The following FAT3 variants were observed in gnomAD, a reference collection of about 807,000 sequenced individuals.
FAT3 encodes protocadherin Fat 3.
FAT3 carries 95 observed loss-of-function variants against 310.2 expected under a neutral mutation model. The observed-to-expected ratio is 0.31, with a 90% CI of 0.26 to 0.36. FAT3 has a LOEUF of 0.36. FAT3 is among the 10% of genes least tolerant of loss of function. The pLI is 1.00. For missense variants in FAT3, 5,408 were observed against 5,715.6 expected (o/e 0.95, Z 1.74); for synonymous variants, 2,314 against 2,192.9 (o/e 1.06, Z -1.54).
intron 7 of FAT3, among the ~76,000 whole-genome samples, chr11:92,786,991 T>C (rs747291458): frequency 3.9e-5 from 6 of 152,174 alleles, no homozygotes; most frequent in Non-Finnish European, 8.8e-5. Flanking sequence ...GGTCAGATGA[T>C]TCTTTCTTGC....
At chr11:92,510,995 C>T (rs576453611) in intron 2 of FAT3, among the ~76,000 whole-genome samples, 1 of 152,344 alleles carries the variant, frequency 6.6e-6, no homozygotes, top group East Asian at 1.9e-4. Flanking sequence ...ATCTAGAGCG[C>T]CTTGCTGGCG....
In FAT3 at chr11:92,896,280, A is replaced by T. The variant is rs1950030667; in HGVS notation, c.*5167A>T. The T allele has an allele frequency of 6.6e-6, 1 of 151,326 alleles. No individual in the cohort carries two copies. The highest frequency in any genetic ancestry group is 1.5e-5 in the Non-Finnish European group (1 of 67,880). The allele number at this position is 151,326 out of a possible 1,614,324, so 9.4% of individuals were successfully genotyped here. A position where few individuals can be genotyped will look rare whatever the true frequency, so the allele number is the denominator to read the frequency against. The stretch of plus-strand genomic sequence containing the variant: ...TGTTCCTGCATATATTGCTGGTGGC[A>T]GTATTCAGTCTTGTGTTCTTTTTCT... On this transcript the variant is annotated 3_prime_UTR_variant, in exon 28 of 28. Coordinates refer to ENST00000525166, the MANE Select transcript of FAT3 (RefSeq NM_001367949.2).
In FAT3 at chr11:92,683,412, G is replaced by A. The variant is rs547062729; in HGVS notation, c.3608-13972G>A. Among the ~76,000 whole-genome samples, 199 of 152,230 alleles carry A rather than the reference G, an allele frequency of 1.3e-3. 3 individuals are homozygous for A. Among genetic ancestry groups the A allele is most frequent in the African/African-American group, 4.3e-3 (179 of 41,538 alleles). On this transcript the variant is annotated intron_variant, in intron 3 of 27. Transcript: ENST00000525166. ...GTTGGGACCAGGGTTCTTCTTCCCT[G>A]TATGATTTTCCTTTCCCATCAGAGT...
chr11:92,837,899 A>G, intron 17 of FAT3, 93 bp downstream of exon 17: 5 of 1,467,442 alleles, frequency 3.4e-6, no homozygotes, highest in Non-Finnish European at 4.7e-6. Flanking sequence ...TGCTACTATT[A>G]CTTAATGTCA....
chr11:92,543,436 G>A (rs1336312488), intron 3 of FAT3, among the ~76,000 whole-genome samples: 2 of 152,114 alleles, frequency 1.3e-5, no homozygotes, highest in South Asian at 2.1e-4. Flanking sequence ...ACATCATACT[G>A]TTCCCACTAA....
At position 92,793,734 on chromosome 11, in the gene FAT3, G is replaced by T. The variant is rs561042899; in HGVS notation, c.4822+757G>T. On this transcript the variant is annotated intron_variant, in intron 9 of 27. Coordinates refer to ENST00000525166, the MANE Select transcript of FAT3 (RefSeq NM_001367949.2). ...CATTCCATCTTTTTTGAATATTCAA[G>T]CCACCTATTTTCAAAATGTTCTGCA... is the stretch of plus-strand genomic sequence containing the variant. Among the ~76,000 whole-genome samples, 17 of 152,098 alleles carry T rather than the reference G, an allele frequency of 1.1e-4. No homozygotes were observed. In the South Asian group the frequency reaches 3.5e-3, roughly 32 times the overall value.
At chr11:92,645,540 A>G (rs893411879) in intron 3 of FAT3, among the ~76,000 whole-genome samples, 1 of 150,326 alleles carries the variant, frequency 6.7e-6, no homozygotes, top group South Asian at 2.1e-4. Context: ...CATTTGTACT[A>G]GAAATGTGTT....
chr11:92,565,079 A>G (rs923413613), intron 3 of FAT3, among the ~76,000 whole-genome samples: 4 of 142,678 alleles, frequency 2.8e-5, no homozygotes, highest in African/African-American at 1.0e-4. Flanking sequence ...AACCCTTCAA[A>G]AAATTAATGA....
intron 1 of FAT3, among the ~76,000 whole-genome samples, chr11:92,287,178 A>G (rs1462635191): frequency 1.3e-5 from 2 of 152,204 alleles, no homozygotes; most frequent in African/African-American, 2.4e-5. Flanking sequence ...CTGAAGAATA[A>G]AAACAATCAC....
chr11:92,227,200 G>C (rs1367397909), intron 1 of FAT3, among the ~76,000 whole-genome samples: 1 of 152,162 alleles, frequency 6.6e-6, no homozygotes. Flanking sequence ...GTTTTCTGCC[G>C]CTTTTCTCCC....
chr11:92,859,022 A>T (rs2136326713), intron 20 of FAT3, 143 bp from the exon 21 acceptor site: 1 of 657,018 alleles, frequency 1.5e-6, no homozygotes, highest in South Asian at 4.3e-5. Context: ...TTTAATCAAA[A>T]ATGATTTCTC....
chr11:92,368,055 C>A (rs932149763), intron 2 of FAT3, among the ~76,000 whole-genome samples: 3 of 152,132 alleles, frequency 2.0e-5, no homozygotes, highest in African/African-American at 7.2e-5. Context: ...ATGACAGATA[C>A]CACAAAACTC....
intron 2 of FAT3, among the ~76,000 whole-genome samples, chr11:92,440,180 G>T (rs1423282876): frequency 6.6e-6 from 1 of 152,160 alleles, no homozygotes; most frequent in Non-Finnish European, 1.5e-5. Flanking sequence ...CTTACCTTGG[G>T]TTCTGCCAGT....
intron 13 of FAT3, among the ~76,000 whole-genome samples, chr11:92,815,507 A>G (rs1947799710): frequency 1.3e-5 from 2 of 152,152 alleles, no homozygotes; most frequent in African/African-American, 2.4e-5. Flanking sequence ...CAGAAGGCAG[A>G]GCTTGCTGTG....
At chr11:92,514,435 T>G (rs957959215) in intron 2 of FAT3, among the ~76,000 whole-genome samples, 5 of 152,194 alleles carry the variant, frequency 3.3e-5, no homozygotes, top group African/African-American at 1.2e-4. Context: ...GGGTAAAATT[T>G]GAGCATCTCA....
chr11:92,869,580 A>T (rs1261877054), intron 22 of FAT3, among the ~76,000 whole-genome samples: 1 of 152,200 alleles, frequency 6.6e-6, no homozygotes, highest in East Asian at 1.9e-4. Flanking sequence ...GTCTATACCA[A>T]TAGTATATCA....
chr11:92,837,550 T>C, intron 16 of FAT3, 113 bp from the exon 17 acceptor site: 1 of 1,316,294 alleles, frequency 7.6e-7, no homozygotes, highest in Non-Finnish European at 1.0e-6. Context: ...AAAATCAAAC[T>C]AAAGATGGTT....
At chr11:92,545,991 C>A (rs1022511849) in intron 3 of FAT3, among the ~76,000 whole-genome samples, 1 of 152,180 alleles carries the variant, frequency 6.6e-6, no homozygotes, top group African/African-American at 2.4e-5. Context: ...AATTGTCATT[C>A]TTTCTCTACT....
chr11:92,586,924 T>C (rs1217626537), intron 3 of FAT3, among the ~76,000 whole-genome samples: 5 of 151,990 alleles, frequency 3.3e-5, no homozygotes, highest in African/African-American at 4.8e-5. Context: ...TCCAGGTAAT[T>C]AAGGGAAAGG....
Sources: allele counts gnomAD v4.1 joint callset (sites outside exome capture counted in the v4.1 genomes callset), GRCh38; gene constraint gnomAD v4.1.1; transcripts MANE v1.5; gene names NCBI Gene and HGNC (gene_info 2026-07-23, HGNC 2026-07-21).